CDKAL1: variants seen among roughly 807,000 people sequenced by gnomAD.
The protein encoded by CDKAL1 is threonylcarbamoyladenosine tRNA methylthiotransferase.
Under a neutral mutation model 68.2 loss-of-function variants are expected in CDKAL1, and 32 were observed. The observed-to-expected ratio is 0.47, with a 90% CI of 0.35 to 0.63. CDKAL1 has a LOEUF of 0.63. Ranked by LOEUF, CDKAL1 falls within the 30% of genes least tolerant of loss-of-function variation. The pLI, the probability that CDKAL1 is intolerant of heterozygous loss-of-function variation, is 0.00. For missense variants in CDKAL1, 606 were observed against 696.7 expected (o/e 0.87, Z 1.47); for synonymous variants, 234 against 244.3 (o/e 0.96, Z 0.39).
At chr6:21,115,386 G>A (rs577546184) in intron 13 of CDKAL1, among the ~76,000 whole-genome samples, 1 of 152,328 alleles carries the variant, frequency 6.6e-6, no homozygotes, top group Admixed American at 6.5e-5. Context: ...TGCTGGCCCT[G>A]TTGAGCTTTG....
At chr6:20,737,884 T>A (rs1157116642) in intron 5 of CDKAL1, among the ~76,000 whole-genome samples, 1 of 152,274 alleles carries the variant, frequency 6.6e-6, no homozygotes, top group Non-Finnish European at 1.5e-5. Context: ...TCTATTCATT[T>A]ATTTAATCAT....
At chr6:21,058,158 T>A (rs1561995896) in intron 11 of CDKAL1, among the ~76,000 whole-genome samples, 1 of 152,246 alleles carries the variant, frequency 6.6e-6, no homozygotes, top group Non-Finnish European at 1.5e-5. Context: ...AGTCTCTTTG[T>A]AGGTCTCTAA....
chr6:20,875,301 G>A (rs1760450177), intron 9 of CDKAL1, among the ~76,000 whole-genome samples: 2 of 65,872 alleles, frequency 3.0e-5, no homozygotes, highest in South Asian at 7.6e-4. Context: ...GCGAGACTCC[G>A]TCTCAAAAAA....
At chr6:21,118,703 T>C (rs960675959) in intron 13 of CDKAL1, among the ~76,000 whole-genome samples, 3 of 152,244 alleles carry the variant, frequency 2.0e-5, no homozygotes, top group Non-Finnish European at 4.4e-5. Flanking sequence ...CTAATGATTG[T>C]TAATATTTTC....
intron 4 of CDKAL1, among the ~76,000 whole-genome samples, chr6:20,616,967 G>A (rs571879038): frequency 1.6e-3 from 237 of 149,750 alleles, no homozygotes; most frequent in African/African-American, 5.4e-3. Context: ...CTGAGTGCAC[G>A]AAGTTGAGGC....
chr6:20,728,867 C>CTT (rs1389180803), intron 5 of CDKAL1, among the ~76,000 whole-genome samples: 1 of 151,716 alleles, frequency 6.6e-6, no homozygotes, highest in Non-Finnish European at 1.5e-5. Flanking sequence ...TCTTTTCTTT[C>CTT]TTTTTTTATT....
chr6:20,844,554 A>G (rs1396323153), intron 8 of CDKAL1, among the ~76,000 whole-genome samples: 1 of 152,102 alleles, frequency 6.6e-6, no homozygotes, highest in Non-Finnish European at 1.5e-5. Flanking sequence ...GAGATAAGGC[A>G]TATAAAATAT....
chr6:20,536,102 CTT>C (rs34025398), intron 2 of CDKAL1, among the ~76,000 whole-genome samples: 22,903 of 138,102 alleles, frequency 0.17, 2,173 homozygotes, highest in African/African-American at 0.29. Context: ...CTAAATTTTA[CTT>C]TTTTTTTTTT....
At chr6:21,069,418 T>C (rs956303055) in intron 12 of CDKAL1, among the ~76,000 whole-genome samples, 1 of 152,220 alleles carries the variant, frequency 6.6e-6, no homozygotes, top group Non-Finnish European at 1.5e-5. Context: ...ATTTGTTTTT[T>C]GTTCTAAGTC....
intron 5 of CDKAL1, among the ~76,000 whole-genome samples, chr6:20,716,824 G>C (rs1387968092): frequency 6.6e-6 from 1 of 151,638 alleles, no homozygotes; most frequent in African/African-American, 2.4e-5. Context: ...ATGTGCTGTA[G>C]ATGGTGTGTA....
intron 15 of CDKAL1, 75 bp downstream of exon 15, chr6:21,201,349 G>A: frequency 3.8e-6 from 5 of 1,310,768 alleles, no homozygotes; most frequent in Non-Finnish European, 5.3e-6. Context: ...TCCAGGCCAT[G>A]TTTCTGTTAT....
chr6:20,870,511 CT>C (rs1442014036), intron 9 of CDKAL1, among the ~76,000 whole-genome samples: 7 of 152,170 alleles, frequency 4.6e-5, no homozygotes, highest in Non-Finnish European at 5.9e-5. Flanking sequence ...TTAATATACA[CT>C]GTGATGATAG....
At chr6:20,781,983 C>T (rs985368551) in intron 8 of CDKAL1, among the ~76,000 whole-genome samples, 2 of 152,170 alleles carry the variant, frequency 1.3e-5, no homozygotes, top group Non-Finnish European at 2.9e-5. Context: ...CTGTTCTGCC[C>T]CTTTTACTTC....
intron 11 of CDKAL1, among the ~76,000 whole-genome samples, chr6:21,043,826 T>C (rs935318756): frequency 6.6e-6 from 1 of 152,258 alleles, no homozygotes; most frequent in Admixed American, 6.5e-5. Flanking sequence ...GGAAGCGTAT[T>C]GTCACAGTGT....
At chr6:20,711,426 T>TA (rs555299009) in intron 5 of CDKAL1, among the ~76,000 whole-genome samples, 163 of 152,308 alleles carry the variant, frequency 1.1e-3, no homozygotes, top group African/African-American at 3.8e-3. Context: ...GTTTTGGACT[T>TA]AGAGTCAGAA....
At chr6:21,079,963 A>G (rs990609380) in intron 12 of CDKAL1, among the ~76,000 whole-genome samples, 1 of 46,744 alleles carries the variant, frequency 2.1e-5, no homozygotes. Context: ...AGATAAGCTT[A>G]TCAACTTTGT....
intron 13 of CDKAL1, among the ~76,000 whole-genome samples, chr6:21,145,183 T>C (rs1315488207): frequency 1.3e-5 from 2 of 152,204 alleles, no homozygotes; most frequent in Non-Finnish European, 2.9e-5. Context: ...CTCAGAACAA[T>C]GTCCTAACTG....
At chr6:20,595,459 C>T (rs946286100) in intron 4 of CDKAL1, among the ~76,000 whole-genome samples, 4 of 151,854 alleles carry the variant, frequency 2.6e-5, no homozygotes, top group East Asian at 1.9e-4. Flanking sequence ...CCGCTTGATC[C>T]GTTTGGCTAT....
At chr6:21,227,330 T>C (rs1779788751) in intron 15 of CDKAL1, among the ~76,000 whole-genome samples, 1 of 152,252 alleles carries the variant, frequency 6.6e-6, no homozygotes, top group Admixed American at 6.5e-5. Context: ...TTCCCATATT[T>C]CTAAACTACT....
Sources: gnomAD v4.1 joint callset for allele counts (sites outside exome capture counted in the v4.1 genomes callset) on GRCh38, gnomAD v4.1.1 for gene constraint, MANE v1.5 for transcripts, NCBI Gene and HGNC (gene_info 2026-07-23, HGNC 2026-07-21) for gene names.